PAPSS1: variants seen among roughly 807,000 people sequenced by gnomAD.
PAPSS1 encodes 3'-phosphoadenosine 5'-phosphosulfate synthase 1, also known as bifunctional 3'-phosphoadenosine 5'-phosphosulfate synthase 1.
A neutral mutation model predicts 72.0 loss-of-function variants in PAPSS1; 50 were observed. The ratio of observed to expected loss-of-function variants is 0.69; its 90% confidence interval spans 0.55 to 0.88. The LOEUF is 0.88. PAPSS1 is among the 40% of genes least tolerant of loss of function. The pLI, the probability that PAPSS1 is intolerant of heterozygous loss-of-function variation, is 0.00. For synonymous variants in PAPSS1, 261 were observed against 263.6 expected (o/e 0.99, Z 0.09); for missense variants, 657 against 782.2 (o/e 0.84, Z 1.91).
intron 9 of PAPSS1, among the ~76,000 whole-genome samples, chr4:107,649,620 C>T (rs1260562109): frequency 6.6e-6 from 1 of 152,202 alleles, no homozygotes; most frequent in Non-Finnish European, 1.5e-5. Flanking sequence ...CTATCCACTT[C>T]AGAGCCAAAC....
At chr4:107,634,747 A>G (rs964081119) in intron 10 of PAPSS1, among the ~76,000 whole-genome samples, 11 of 151,440 alleles carry the variant, frequency 7.3e-5, no homozygotes, top group Admixed American at 3.9e-4. Context: ...AGATGTCTAA[A>G]TTTTGCAAAA....
At chr4:107,615,582 G>A (rs1725797843) in intron 11 of PAPSS1, among the ~76,000 whole-genome samples, 1 of 152,068 alleles carries the variant, frequency 6.6e-6, no homozygotes, top group African/African-American at 2.4e-5. Flanking sequence ...TTTTACAACA[G>A]CAAAATACTA....
chr4:107,670,997 C>T (rs1399901771), intron 5 of PAPSS1, among the ~76,000 whole-genome samples: 1 of 152,078 alleles, frequency 6.6e-6, no homozygotes, highest in Non-Finnish European at 1.5e-5. Flanking sequence ...TTGTGGTAAC[C>T]AGTTAGGGGA....
chr4:107,679,891 C>CA (rs562624301), intron 5 of PAPSS1, among the ~76,000 whole-genome samples: 13 of 150,634 alleles, frequency 8.6e-5, no homozygotes, highest in Non-Finnish European at 1.9e-4. Flanking sequence ...TGAATACTAT[C>CA]AAAAAAAAGT....
intron 3 of PAPSS1, among the ~76,000 whole-genome samples, chr4:107,690,432 T>C (rs1323537628): frequency 6.6e-6 from 1 of 152,224 alleles, no homozygotes; most frequent in African/African-American, 2.4e-5. Flanking sequence ...CCTTCATGAC[T>C]CATTTCAAGC....
intron 10 of PAPSS1, among the ~76,000 whole-genome samples, chr4:107,643,957 C>T (rs145658150): frequency 7.9e-5 from 12 of 152,168 alleles, no homozygotes; most frequent in African/African-American, 2.6e-4. Flanking sequence ...AACACTTAGT[C>T]CTACCTACAC....
intron 11 of PAPSS1, among the ~76,000 whole-genome samples, chr4:107,617,510 C>CACAAGAAAAAA: frequency 1.3e-5 from 2 of 152,062 alleles, no homozygotes; most frequent in Non-Finnish European, 2.9e-5. Context: ...CAAGAAAAAT[C>CACAAGAAAAAA]AATGTCAGTG....
chr4:107,696,561 G>C (rs1007569443), intron 2 of PAPSS1, among the ~76,000 whole-genome samples: 17 of 152,164 alleles, frequency 1.1e-4, no homozygotes, highest in African/African-American at 4.1e-4. Flanking sequence ...AGGGCCTATC[G>C]GTGGGGAGGT....
intron 5 of PAPSS1, among the ~76,000 whole-genome samples, chr4:107,673,247 A>G (rs1374777405): frequency 6.6e-6 from 1 of 152,228 alleles, no homozygotes; most frequent in East Asian, 1.9e-4. Flanking sequence ...AAGGCTTCAG[A>G]TGATCAAACT....
At chr4:107,716,167 A>T (rs1254104308) in intron 1 of PAPSS1, among the ~76,000 whole-genome samples, 3 of 152,262 alleles carry the variant, frequency 2.0e-5, no homozygotes, top group Admixed American at 6.5e-5. Context: ...ATAATGAAGT[A>T]TGATCACAAG....
intron 5 of PAPSS1, among the ~76,000 whole-genome samples, chr4:107,661,473 A>C (rs1209217487): frequency 6.6e-6 from 1 of 152,228 alleles, no homozygotes; most frequent in Non-Finnish European, 1.5e-5. Flanking sequence ...AACAAACTGT[A>C]GAACATCTAG....
chr4:107,673,495 A>G (rs1727553744), intron 5 of PAPSS1, among the ~76,000 whole-genome samples: 1 of 152,156 alleles, frequency 6.6e-6, no homozygotes, highest in Non-Finnish European at 1.5e-5. Context: ...ATGAAGCGAG[A>G]AGAGAAGTTT....
At position 107,660,201 on chromosome 4, in the gene PAPSS1, A is replaced by G. The variant is rs950175775; in HGVS notation, c.670-129T>C. The G allele has an allele frequency of 2.1e-5, 12 of 569,290 alleles. 1 individual carries two copies. In the South Asian group the frequency reaches 2.7e-4, roughly 13 times the overall value. 35.3% of individuals were successfully genotyped at this position (569,290 alleles called of 1,614,324 possible). A position where few individuals can be genotyped will look rare whatever the true frequency, so the allele number is the denominator to read the frequency against. On this transcript the variant is annotated intron_variant, in intron 5 of 11. Transcript: ENST00000265174. ...AGCATAAAAGAAGGCTGTGAGTGCT[A>G]TGTTCCCCTCAACCAATACTCTCAA...
At chr4:107,671,213 A>G (rs1727458108) in intron 5 of PAPSS1, among the ~76,000 whole-genome samples, 1 of 152,120 alleles carries the variant, frequency 6.6e-6, no homozygotes, top group African/African-American at 2.4e-5. Context: ...CAGGAAAAAC[A>G]TTAGTGAAAA....
intron 5 of PAPSS1, among the ~76,000 whole-genome samples, chr4:107,678,348 G>A (rs1423460033): frequency 6.6e-5 from 10 of 152,112 alleles, no homozygotes; most frequent in Admixed American, 6.6e-4. Context: ...AGAAAGGGTA[G>A]ACAATGCATT....
Position 107,693,929 on chromosome 4 carries a change from T to C in PAPSS1, c.253A>G (p.Thr85Ala). The C allele has an allele frequency of 1.2e-6, 2 of 1,613,802 alleles. No individual in the cohort carries two copies. The highest frequency in any genetic ancestry group is 1.7e-6 in the Non-Finnish European group (2 of 1,179,836). Residue 85 changes from threonine (T) to alanine (A), a missense_variant, in exon 3 of 12, where the codon ACT becomes GCT. Physicochemically the swap from Thr to Ala is moderately conservative, Grantham distance 58 (BLOSUM62 0). Coordinates refer to ENST00000265174, the MANE Select transcript of PAPSS1 (RefSeq NM_005443.5). The stretch of plus-strand genomic sequence containing the variant: ...TGACGAATATTGTCACCATCCAGAG[T>C]GTAGCATGGAATACCATGACAAACC... ...YLVCHGIPCY[T>A]LDGDNIRQGL...
intron 10 of PAPSS1, among the ~76,000 whole-genome samples, chr4:107,639,055 G>C (rs1220858875): frequency 6.6e-6 from 1 of 152,182 alleles, no homozygotes; most frequent in African/African-American, 2.4e-5. Flanking sequence ...AGATTACCTA[G>C]CTGGGAAATC....
intron 2 of PAPSS1, among the ~76,000 whole-genome samples, chr4:107,700,098 T>G (rs966317867): frequency 6.6e-6 from 1 of 152,174 alleles, no homozygotes; most frequent in Non-Finnish European, 1.5e-5. Flanking sequence ...AGAGTGTATC[T>G]TCTTTCATAC....
At chr4:107,670,562 AG>A (rs1044265855) in intron 5 of PAPSS1, among the ~76,000 whole-genome samples, 32 of 152,142 alleles carry the variant, frequency 2.1e-4, no homozygotes, top group African/African-American at 7.7e-4. Context: ...TATTTCAGAC[AG>A]GGTCTCACTC....
Sources: gnomAD v4.1 joint callset for allele counts (sites outside exome capture counted in the v4.1 genomes callset) on GRCh38, gnomAD v4.1.1 for gene constraint, MANE v1.5 for transcripts, NCBI Gene and HGNC (gene_info 2026-07-23, HGNC 2026-07-21) for gene names.